Variants in LTA4H observed in about 807,000 individuals in gnomAD.
LTA4H encodes the protein leukotriene A4 hydrolase.
Under a neutral mutation model 89.8 loss-of-function variants are expected in LTA4H, and 59 were observed. The ratio of observed to expected loss-of-function variants is 0.66; its 90% CI spans 0.53 to 0.82. The LOEUF is 0.82. LTA4H is among the 40% of genes least tolerant of loss of function. The pLI is 0.00. For missense variants in LTA4H, 617 were observed against 727.0 expected (o/e 0.85, Z 1.74); for synonymous variants, 227 against 253.1 (o/e 0.90, Z 0.98).
At position 96,008,871 on chromosome 12, in the gene LTA4H, A is replaced by T. The variant is rs550092106; in HGVS notation, c.1434+223T>A. Among the ~76,000 whole-genome samples, 6 of 151,944 alleles carry T rather than the reference A, an allele frequency of 3.9e-5. No homozygotes were observed. In the East Asian group the frequency reaches 1.2e-3, roughly 29 times the overall value. On this transcript the variant is annotated intron_variant, in intron 15 of 18. Transcript: ENST00000228740. ...GAGGTTGAGGCTGCAATGAGCCATG[A>T]TCACGCCACTGTAGTCCAGCCTGGG...
At chr12:96,037,789 T>G (rs1950661650), upstream of LTA4H, among the ~76,000 whole-genome samples, 2 of 144,536 alleles carry the variant, frequency 1.4e-5, no homozygotes, top group East Asian at 2.1e-4. Context: ...GCCTCCCGGG[T>G]TCACACCGTT....
At position 96,029,042 on chromosome 12, in the gene LTA4H, A is replaced by G; in HGVS notation, c.290+13T>C. 3.2e-6 allele frequency: 5 copies of G among 1,548,548 alleles called. No homozygotes were observed. Among genetic ancestry groups the G allele is most frequent in the South Asian group, 1.3e-5 (1 of 77,822 alleles). On this transcript the variant is annotated intron_variant, in intron 2 of 18. Transcript: ENST00000228740. ...TATTTAGCTGTAAAAGAGAAAGATC[A>G]TAACATTCATACTTGCTCAAAGCGA...
rs373421916 is a variant in LTA4H, at chr12:96,029,176, T to A, written c.169A>T (p.Thr57Ser). The change falls in exon 2 of 19, where the codon ACA (threonine) becomes TCA (serine). Residue 57 changes from threonine (T) to serine (S), a missense_variant. Physicochemically the swap from Thr to Ser is moderately conservative, Grantham distance 58 (BLOSUM62 1). Around this residue, in one of 3 missense-constraint regions of LTA4H, gnomAD observed 155 missense variants for 143.3 expected, o/e 1.08. Transcript: ENST00000228740. Reference protein sequence around the residue: ...EDNLRSLVLDTKDLTIEKVVI... With the variant: ...EDNLRSLVLDSKDLTIEKVVI... ...ACTTTTTCTATTGTAAGGTCCTTTGTATCCAAAACCTAAAATTAATATTTT... is the reference window on the plus strand; with the variant it reads ...ACTTTTTCTATTGTAAGGTCCTTTGAATCCAAAACCTAAAATTAATATTTT... 9.2e-6 allele frequency: 14 copies of A among 1,517,396 alleles called. No homozygotes were observed. The African/African-American group carries it at 2.0e-4, about 21-fold the overall frequency. 94.0% of individuals were successfully genotyped at this position (1,517,396 alleles called of 1,614,324 possible). A position where few individuals can be genotyped will look rare whatever the true frequency, so the allele number is the denominator to read the frequency against.
intron 6 of LTA4H, among the ~76,000 whole-genome samples, chr12:96,019,848 C>T (rs1950431458): frequency 6.6e-6 from 1 of 151,494 alleles, no homozygotes; most frequent in South Asian, 2.1e-4. Context: ...GATCCGCCTG[C>T]CTCGGCCACC....
chr12:96,040,775 G>A (rs1950681386), intron 1 of LTA4H, among the ~76,000 whole-genome samples: 1 of 152,230 alleles, frequency 6.6e-6, no homozygotes, highest in African/African-American at 2.4e-5. Flanking sequence ...GTTTAAGACA[G>A]TGTTATCTTG....
At chr12:96,038,442 A>G (rs1304163332), upstream of LTA4H, among the ~76,000 whole-genome samples, 3 of 152,112 alleles carry the variant, frequency 2.0e-5, no homozygotes, top group Non-Finnish European at 4.4e-5. Context: ...ATACAGTGGC[A>G]TGATCATGGG....
upstream of LTA4H, among the ~76,000 whole-genome samples, chr12:96,036,492 T>G (rs1226232993): frequency 6.6e-6 from 1 of 152,186 alleles, no homozygotes; most frequent in Non-Finnish European, 1.5e-5. Flanking sequence ...TAAAGCATGG[T>G]CAGACTCATG....
chr12:96,032,036 T>TTAA (rs1398758062), intron 1 of LTA4H, among the ~76,000 whole-genome samples: 1 of 152,240 alleles, frequency 6.6e-6, no homozygotes, highest in East Asian at 1.9e-4. Context: ...AACAAGATGG[T>TTAA]TTGCAGTCAG....
rs201891328 is a variant in LTA4H, at chr12:96,001,052, C to T, written c.1773G>A (p.Glu591=). 1 of 1,614,056 alleles carries T rather than the reference C, an allele frequency of 6.2e-7. No individual in the cohort carries two copies. The highest frequency in any genetic ancestry group is 8.5e-7 in the Non-Finnish European group (1 of 1,180,008). Residue 591 remains glutamate (E), a synonymous_variant, in exon 19 of 19, where the codon GAG becomes GAA. Coordinates refer to ENST00000228740, the MANE Select transcript of LTA4H (RefSeq NM_000895.3). ...TCACGGGATGCATGCTTGCTTTGTGCTCTTGGTAGGTTCGGACAGCTTGAT... is the reference window on the plus strand; with the variant it reads ...TCACGGGATGCATGCTTGCTTTGTGTTCTTGGTAGGTTCGGACAGCTTGAT... ...SHDQAVRTYQ[E]HKASMHPVTA... is the part of the protein sequence containing the mutation.
rs188246103 is a variant in LTA4H at position 96,011,183 on chromosome 12, A to C, written c.1379+2005T>G. The stretch of plus-strand genomic sequence containing the variant: ...ACTAATTTTCCACCCAGATTTCCCC[A>C]ATTTTAAAAGCAATGGGCAAAGCCT... On this transcript the variant is annotated intron_variant, in intron 14 of 18. Transcript: ENST00000228740. 2.0e-5 allele frequency: 3 copies of C among 152,272 alleles called. No individual in the cohort carries two copies. In the East Asian group the frequency reaches 5.8e-4, roughly 29 times the overall value. The allele number at this position is 152,272 out of a possible 1,614,324, so 9.4% of individuals were successfully genotyped here.
At chr12:96,015,059 A>G in intron 11 of LTA4H, 60 bp from the exon 12 acceptor site, 7 of 1,506,246 alleles carry the variant, frequency 4.6e-6, no homozygotes, top group South Asian at 2.4e-5. Context: ...CCACGCAAAT[A>G]AGCTAATAAG....
At chr12:96,027,715 G>A (rs1950527990) in intron 2 of LTA4H, 151 bp from the exon 3 acceptor site, 4 of 426,538 alleles carry the variant, frequency 9.4e-6, no homozygotes, top group East Asian at 8.6e-5. Context: ...ATCCTCAGTG[G>A]GTAAGTCTCC....
chr12:96,020,847 A>C, intron 6 of LTA4H: 1 of 409,274 alleles, frequency 2.4e-6, no homozygotes, highest in Admixed American at 4.9e-5. Context: ...GAGAATCCAG[A>C]TCTCTAAAGG....
chr12:96,030,836 A>G (rs1950564113), intron 1 of LTA4H, among the ~76,000 whole-genome samples: 1 of 152,154 alleles, frequency 6.6e-6, no homozygotes, highest in African/African-American at 2.4e-5. Flanking sequence ...TTAGTAGAAG[A>G]TACGGTTTAT....
intron 11 of LTA4H, 21 bp from the exon 12 acceptor site, chr12:96,015,020 T>C (rs1239998498): frequency 1.0e-5 from 16 of 1,605,278 alleles, no homozygotes; most frequent in South Asian, 2.2e-5. Flanking sequence ...TGAAATAACA[T>C]GGAGAAACAT....
intron 15 of LTA4H, among the ~76,000 whole-genome samples, chr12:96,007,851 T>C (rs1950227432): frequency 6.6e-6 from 1 of 152,224 alleles, no homozygotes; most frequent in African/African-American, 2.4e-5. Flanking sequence ...AGAAATCTCT[T>C]ATACTTTTCT....
chr12:96,019,170 C>G lies in LTA4H; in HGVS notation c.709G>C (p.Glu237Gln). The change falls in exon 7 of 19, where the codon GAG becomes CAG. Residue 237 changes from glutamate to glutamine, a missense_variant and splice_region_variant. Around this residue, in one of 3 missense-constraint regions of LTA4H, gnomAD observed 172 missense variants for 244.5 expected, o/e 0.70. Coordinates refer to ENST00000228740, the MANE Select transcript of LTA4H (RefSeq NM_000895.3). ...QVEKSAYEFS[E>Q]TESMLKIAED... ...CAAAGGATAACTAAATGACCAACCT[C>G]AGAAAACTCATAAGCAGACTTTTCC... 1 of 1,610,558 alleles carries G rather than the reference C, an allele frequency of 6.2e-7. No individual in the cohort carries two copies. The highest frequency in any genetic ancestry group is 8.5e-7 in the Non-Finnish European group (1 of 1,178,978).
In LTA4H at chr12:96,004,550, C is replaced by A. The variant is rs149482335; in HGVS notation, c.1531-630G>T. Among the ~76,000 whole-genome samples, 15 of 152,150 alleles carry A rather than the reference C, an allele frequency of 9.9e-5. No homozygotes were observed. The East Asian group carries it at 2.5e-3, about 25-fold the overall frequency. ...CCTTAACTCACCCTAAAAGGGAGGA[C>A]AAGTTTGGGTGAAGGAAAGAAAAAA... On this transcript the variant is annotated intron_variant, in intron 16 of 18. Transcript: ENST00000228740.
chr12:96,039,742 A>G (rs759189716), upstream of LTA4H, among the ~76,000 whole-genome samples: 13 of 152,254 alleles, frequency 8.5e-5, no homozygotes, highest in African/African-American at 1.7e-4. Context: ...GGAAATTTCA[A>G]TTGTTGCACA....
Sources: gnomAD v4.1 joint callset for allele counts (sites outside exome capture counted in the v4.1 genomes callset) on GRCh38, gnomAD v4.1.1 for gene constraint, gnomAD v4.1.1 regional missense constraint, MANE v1.5 for transcripts, NCBI Gene and HGNC (gene_info 2026-07-23, HGNC 2026-07-21) for gene names.